Variants in ADAMTSL3 observed in about 807,000 individuals in gnomAD.
The protein encoded by ADAMTSL3 is ADAMTS like 3.
Under a neutral mutation model 201.7 loss-of-function variants are expected in ADAMTSL3, and 128 were observed. The observed-to-expected ratio is 0.63, with a 90% CI of 0.55 to 0.73. The LOEUF (loss-of-function observed/expected upper bound fraction) is 0.73. Among genes scored for constraint, ADAMTSL3 ranks in the 30% least tolerant of loss-of-function variants. The probability of loss-of-function intolerance (pLI) is 0.00; values close to 1 mark genes in which losing one functional copy is unlikely to be tolerated. For synonymous variants in ADAMTSL3, 738 were observed against 748.4 expected, an observed-to-expected ratio of 0.99 and a Z score of 0.23; for missense variants, 1,990 against 2,119.6, an observed-to-expected ratio of 0.94 and a Z score of 1.20.
chr15:83,802,196 A>G (rs768627159), intron 4 of ADAMTSL3, among the ~76,000 whole-genome samples: 2 of 152,216 alleles, frequency 1.3e-5, no homozygotes, highest in Non-Finnish European at 2.9e-5. Context: ...CAAGAGTTAA[A>G]AACTCATACG....
At chr15:83,757,422 A>AGCTGAGTGGCTGAGTG (rs138286342) in intron 3 of ADAMTSL3, among the ~76,000 whole-genome samples, 11,525 of 151,452 alleles carry the variant, frequency 0.076, 591 homozygotes, top group Admixed American at 0.17. Context: ...GGCCCCTTTT[A>AGCTGAGTGGCTGAGTG]GCTGAGTGGC....
chr15:83,688,049 C>T (rs1205257521), intron 2 of ADAMTSL3, among the ~76,000 whole-genome samples: 1 of 152,080 alleles, frequency 6.6e-6, no homozygotes, highest in African/African-American at 2.4e-5. Flanking sequence ...TTTTAGAAGC[C>T]TTAACGTTCA....
At chr15:83,932,583 G>A (rs2066380833) in intron 17 of ADAMTSL3, among the ~76,000 whole-genome samples, 1 of 152,150 alleles carries the variant, frequency 6.6e-6, no homozygotes, top group Non-Finnish European at 1.5e-5. Context: ...TCTGTCTCAG[G>A]TCTGCCTCTG....
chr15:83,827,466 G>A (rs557868541), intron 6 of ADAMTSL3, among the ~76,000 whole-genome samples: 1 of 152,160 alleles, frequency 6.6e-6, no homozygotes, highest in Non-Finnish European at 1.5e-5. Flanking sequence ...TAGGTTGCCT[G>A]TTCACTCTGA....
chr15:83,810,522 A>T lies in ADAMTSL3; in HGVS notation c.363+5827A>T, dbSNP rs115714434. On this transcript the variant is annotated intron_variant, in intron 5 of 29. Coordinates refer to ENST00000286744, the MANE Select transcript of ADAMTSL3 (RefSeq NM_207517.3). ...AAATATAGTGGCTTAAAACAAGACAAATGTATTATCTTACGGTTCTGAAGG... is the reference window on the plus strand; with the variant it reads ...AAATATAGTGGCTTAAAACAAGACATATGTATTATCTTACGGTTCTGAAGG... Among the ~76,000 whole-genome samples, 559 of 152,344 alleles carry T rather than the reference A, an allele frequency of 3.7e-3. 3 individuals carry two copies. The highest frequency in any genetic ancestry group is 0.013 in the African/African-American group (528 of 41,582).
chr15:83,832,540 T>C (rs1461553710), intron 6 of ADAMTSL3, among the ~76,000 whole-genome samples: 1 of 152,196 alleles, frequency 6.6e-6, no homozygotes, highest in Non-Finnish European at 1.5e-5. Flanking sequence ...TAGACACTTC[T>C]TGGTAGAATT....
chr15:83,690,283 C>T (rs902205514), intron 2 of ADAMTSL3, among the ~76,000 whole-genome samples: 13 of 152,276 alleles, frequency 8.5e-5, no homozygotes, highest in African/African-American at 1.4e-4. Context: ...AGGATGAACA[C>T]GGACTTCATG....
chr15:83,895,773 TTA>T (rs3044647), intron 13 of ADAMTSL3, among the ~76,000 whole-genome samples: 89,140 of 151,194 alleles, frequency 0.59, 26,664 homozygotes, highest in East Asian at 0.74. Flanking sequence ...CCACTCAATA[TTA>T]TATATATATA....
At chr15:83,676,281 T>C (rs966037746) in intron 2 of ADAMTSL3, among the ~76,000 whole-genome samples, 8 of 152,228 alleles carry the variant, frequency 5.3e-5, no homozygotes, top group Non-Finnish European at 1.0e-4. Context: ...AAATTTGATA[T>C]GTTTTACTTT....
chr15:84,010,089 T>C (rs2067980678), intron 23 of ADAMTSL3, among the ~76,000 whole-genome samples: 1 of 152,262 alleles, frequency 6.6e-6, no homozygotes, highest in Non-Finnish European at 1.5e-5. Flanking sequence ...AGTCTATGAA[T>C]TGCTTTTAGA....
chr15:84,028,154 A>G (rs2068343805), intron 27 of ADAMTSL3, among the ~76,000 whole-genome samples: 1 of 152,196 alleles, frequency 6.6e-6, no homozygotes, highest in Non-Finnish European at 1.5e-5. Context: ...GATGATGATC[A>G]TGTTCTAAAA....
chr15:83,915,981 T>C (rs1345820072), intron 16 of ADAMTSL3, among the ~76,000 whole-genome samples: 2 of 152,244 alleles, frequency 1.3e-5, no homozygotes, highest in South Asian at 2.1e-4. Flanking sequence ...TATGGACATA[T>C]GTTTTTATTT....
chr15:83,726,306 G>T (rs2062173911), intron 3 of ADAMTSL3, among the ~76,000 whole-genome samples: 1 of 151,954 alleles, frequency 6.6e-6, no homozygotes, highest in African/African-American at 2.4e-5. Context: ...GTTATCTTTA[G>T]TTTTTTCCAA....
chr15:83,716,366 A>G (rs1010576531), intron 3 of ADAMTSL3, among the ~76,000 whole-genome samples: 6 of 140,648 alleles, frequency 4.3e-5, no homozygotes, highest in African/African-American at 1.6e-4. Context: ...CACACACACA[A>G]ATTAGCTAGG....
At chr15:83,882,301 A>G (rs2141859649) in intron 9 of ADAMTSL3, among the ~76,000 whole-genome samples, 1 of 152,332 alleles carries the variant, frequency 6.6e-6, no homozygotes, top group African/African-American at 2.4e-5. Flanking sequence ...AGTGTATCCT[A>G]TCTCTGTAAT....
chr15:83,680,909 T>C (rs1402915479), intron 2 of ADAMTSL3, among the ~76,000 whole-genome samples: 1 of 152,188 alleles, frequency 6.6e-6, no homozygotes, highest in Non-Finnish European at 1.5e-5. Flanking sequence ...TCAAAGCAAA[T>C]GTTATCCAAA....
At chr15:84,025,751 T>C (rs1311325637) in intron 27 of ADAMTSL3, among the ~76,000 whole-genome samples, 2 of 152,196 alleles carry the variant, frequency 1.3e-5, no homozygotes, top group East Asian at 1.9e-4. Context: ...ACATTAGTGG[T>C]ATCTGCACAA....
intron 4 of ADAMTSL3, among the ~76,000 whole-genome samples, chr15:83,783,755 A>G (rs1026059315): frequency 1.3e-5 from 2 of 149,288 alleles, no homozygotes; most frequent in Non-Finnish European, 3.0e-5. Flanking sequence ...AAATTGGTTG[A>G]AAAAAAAAAG....
chr15:83,911,078 G>GA (rs1024844583), intron 15 of ADAMTSL3, among the ~76,000 whole-genome samples: 1 of 152,066 alleles, frequency 6.6e-6, no homozygotes. Flanking sequence ...AGAAAAGAGA[G>GA]AAAAAATTAA....
Sources: allele counts gnomAD v4.1 joint callset (sites outside exome capture counted in the v4.1 genomes callset), GRCh38; gene constraint gnomAD v4.1.1; transcripts MANE v1.5; gene names NCBI Gene and HGNC (gene_info 2026-07-23, HGNC 2026-07-21).